WWOX: variants seen among roughly 807,000 people sequenced by gnomAD.
The protein encoded by WWOX is WW domain-containing oxidoreductase.
A neutral mutation model predicts 46.2 loss-of-function variants in WWOX; 69 were observed. The observed-to-expected ratio is 1.49, with a 90% confidence interval of 1.23 to 1.82. The LOEUF is 1.82. Among genes scored for constraint, WWOX ranks in the 40% most tolerant of loss-of-function variants. The probability of loss-of-function intolerance (pLI) is 0.00; values close to 1 mark genes in which losing one functional copy is unlikely to be tolerated. For missense variants in WWOX, 919 were observed against 542.6 expected, an observed-to-expected ratio of 1.69 and a Z score of -6.89; for synonymous variants, 359 against 202.6, an observed-to-expected ratio of 1.77 and a Z score of -6.56.
intron 5 of WWOX, among the ~76,000 whole-genome samples, chr16:78,288,565 T>G (rs367804303): frequency 9.2e-5 from 14 of 152,306 alleles, no homozygotes; most frequent in East Asian, 7.7e-4. Flanking sequence ...TAGTCCTGTG[T>G]GCTTCCCCTT....
chr16:79,207,680 G>A (rs2051564268), intron 8 of WWOX, among the ~76,000 whole-genome samples: 1 of 152,132 alleles, frequency 6.6e-6, no homozygotes, highest in Non-Finnish European at 1.5e-5. Flanking sequence ...AAATGAGCAT[G>A]CATTTTAAAA....
At chr16:78,866,115 CTCTT>C (rs2043997745) in intron 8 of WWOX, among the ~76,000 whole-genome samples, 1 of 152,166 alleles carries the variant, frequency 6.6e-6, no homozygotes, top group Non-Finnish European at 1.5e-5. Context: ...AAAAATTGAT[CTCTT>C]TCTCTTCCAT....
At chr16:78,882,726 T>C (rs896595564) in intron 8 of WWOX, among the ~76,000 whole-genome samples, 7 of 152,018 alleles carry the variant, frequency 4.6e-5, no homozygotes, top group Admixed American at 6.6e-5. Flanking sequence ...TGACCTCAAG[T>C]GATCCACCCG....
chr16:78,165,392 C>G (rs2034937565), intron 5 of WWOX, among the ~76,000 whole-genome samples: 1 of 152,166 alleles, frequency 6.6e-6, no homozygotes, highest in Non-Finnish European at 1.5e-5. Context: ...TCAAAAAACA[C>G]AGATCTTAAT....
chr16:78,411,550 G>A (rs1469683771), intron 6 of WWOX, among the ~76,000 whole-genome samples: 1 of 152,172 alleles, frequency 6.6e-6, no homozygotes, highest in African/African-American at 2.4e-5. Flanking sequence ...GGGTGTAGTT[G>A]TGGCTGTTGC....
chr16:78,786,615 T>G (rs1255682614), intron 8 of WWOX, among the ~76,000 whole-genome samples: 1 of 152,228 alleles, frequency 6.6e-6, no homozygotes, highest in Non-Finnish European at 1.5e-5. Context: ...TTTTTTAGTA[T>G]ATTCGCATGG....
At chr16:78,962,302 CTT>C (rs746960241) in intron 8 of WWOX, among the ~76,000 whole-genome samples, 94 of 31,970 alleles carry the variant, frequency 2.9e-3, no homozygotes, top group East Asian at 0.011. Flanking sequence ...GCAAGGCATC[CTT>C]TTTTTTTTTT....
chr16:79,187,018 C>T (rs1485501388), intron 8 of WWOX, among the ~76,000 whole-genome samples: 1 of 152,040 alleles, frequency 6.6e-6, no homozygotes, highest in Non-Finnish European at 1.5e-5. Context: ...ATAAATTGTG[C>T]AGTAAAAGAA....
chr16:78,466,913 G>A (rs552027838), intron 8 of WWOX, among the ~76,000 whole-genome samples: 2 of 151,108 alleles, frequency 1.3e-5, no homozygotes, highest in East Asian at 1.9e-4. Flanking sequence ...TTGTAGCATG[G>A]GCAGGAAATA....
intron 5 of WWOX, among the ~76,000 whole-genome samples, chr16:78,267,780 T>C (rs1016532905): frequency 6.6e-6 from 1 of 152,168 alleles, no homozygotes; most frequent in East Asian, 1.9e-4. Context: ...GATTGATTGA[T>C]TGATTGTGAG....
chr16:79,196,142 A>T (rs982068165), intron 8 of WWOX, among the ~76,000 whole-genome samples: 1 of 152,220 alleles, frequency 6.6e-6, no homozygotes, highest in Non-Finnish European at 1.5e-5. Flanking sequence ...GTGCAGTGTG[A>T]GCAAAAATCA....
intron 8 of WWOX, chr16:78,899,529 A>G (rs1416192691): frequency 6.6e-6 from 1 of 152,218 alleles, no homozygotes; most frequent in African/African-American, 2.4e-5. Context: ...TTAATATTAC[A>G]GCATCTGTGG....
chr16:78,742,943 C>G (rs894852747), intron 8 of WWOX, among the ~76,000 whole-genome samples: 1 of 152,106 alleles, frequency 6.6e-6, no homozygotes. Context: ...AAGGCCCTGG[C>G]TTGTGGAAGA....
At chr16:78,995,135 T>C (rs1007623478) in intron 8 of WWOX, among the ~76,000 whole-genome samples, 4 of 152,070 alleles carry the variant, frequency 2.6e-5, no homozygotes, top group Admixed American at 6.5e-5. Context: ...TGATCACTCC[T>C]TTTTGTGACT....
At chr16:78,895,039 T>A (rs1250521888) in intron 8 of WWOX, among the ~76,000 whole-genome samples, 1 of 152,214 alleles carries the variant, frequency 6.6e-6, no homozygotes, top group Non-Finnish European at 1.5e-5. Flanking sequence ...GAACTCTATG[T>A]CTTATCTTGG....
intron 8 of WWOX, among the ~76,000 whole-genome samples, chr16:78,781,777 A>G (rs2050332989): frequency 6.6e-6 from 1 of 152,320 alleles, no homozygotes; most frequent in East Asian, 1.9e-4. Context: ...TCCATCTCAA[A>G]TAAAATTAGT....
chr16:79,001,468 G>C (rs968534940), intron 8 of WWOX, among the ~76,000 whole-genome samples: 10 of 152,286 alleles, frequency 6.6e-5, no homozygotes, highest in African/African-American at 1.9e-4. Flanking sequence ...TGTGCGTGCA[G>C]CTTCTGTTTA....
At chr16:78,941,474 T>TTG (rs2045850236) in intron 8 of WWOX, among the ~76,000 whole-genome samples, 2 of 151,982 alleles carry the variant, frequency 1.3e-5, no homozygotes, top group South Asian at 2.1e-4. Flanking sequence ...TTTTTTTTTT[T>TTG]TGTCAGTAGA....
chr16:78,192,555 G>A (rs1197874075), intron 5 of WWOX, among the ~76,000 whole-genome samples: 1 of 151,402 alleles, frequency 6.6e-6, no homozygotes, highest in Non-Finnish European at 1.5e-5. Flanking sequence ...CTGGATTGTT[G>A]AGGAAATACG....
Sources: gnomAD v4.1 joint callset for allele counts (sites outside exome capture counted in the v4.1 genomes callset) on GRCh38, gnomAD v4.1.1 for gene constraint, MANE v1.5 for transcripts, NCBI Gene and HGNC (gene_info 2026-07-23, HGNC 2026-07-21) for gene names.